Variants in MXRA7 observed in about 807,000 individuals in gnomAD.
MXRA7 encodes the protein matrix remodeling associated 7.
A neutral mutation model predicts 17.4 loss-of-function variants in MXRA7; 18 were observed. The ratio of observed to expected loss-of-function variants is 1.03; its 90% CI spans 0.71 to 1.53. The LOEUF (loss-of-function observed/expected upper bound fraction) is 1.53. Among genes scored for constraint, MXRA7 ranks in the 40% most tolerant of loss-of-function variants. MXRA7 has a pLI of 0.00. For synonymous variants in MXRA7, 70 were observed against 101.7 expected (o/e 0.69, Z 1.87); for missense variants, 141 against 209.3 (o/e 0.67, Z 2.01).
At chr17:76,701,166 CAG>C (rs1362031082) in intron 1 of MXRA7, among the ~76,000 whole-genome samples, 3 of 152,002 alleles carry the variant, frequency 2.0e-5, no homozygotes, top group Non-Finnish European at 4.4e-5. Context: ...GGACGGGAAA[CAG>C]GGAGACCAGT....
intron 1 of MXRA7, among the ~76,000 whole-genome samples, chr17:76,701,865 A>G (rs1474498046): frequency 6.6e-6 from 1 of 152,258 alleles, no homozygotes; most frequent in African/African-American, 2.4e-5. Context: ...ACTCTTGCTC[A>G]GATGACTGGA....
In MXRA7 at chr17:76,684,040, C is replaced by G. The variant is rs551804004; in HGVS notation, c.500+1032G>C. ...TCCTGGCTGTGCTTACACTGCCCGCCCCCCACCCACCCAGGGTGAAGAGCT... is the reference window on the plus strand; with the variant it reads ...TCCTGGCTGTGCTTACACTGCCCGCGCCCCACCCACCCAGGGTGAAGAGCT... On this transcript the variant is annotated intron_variant, in intron 3 of 3. Transcript: ENST00000449428. 9 of 830,446 alleles carry G rather than the reference C, an allele frequency of 1.1e-5. No homozygotes were observed. In the African/African-American group the frequency reaches 1.5e-4, roughly 14 times the overall value. 51.4% of individuals were successfully genotyped at this position (830,446 alleles called of 1,614,324 possible). A position where few individuals can be genotyped will look rare whatever the true frequency, so the allele number is the denominator to read the frequency against.
At position 76,710,667 on chromosome 17, in the gene MXRA7, C is replaced by T. The variant is rs1223292905; in HGVS notation, c.280G>A (p.Gly94Arg). Residue 94 changes from glycine to arginine, a missense_variant, in exon 1 of 4, where the codon GGG becomes AGG. Transcript: ENST00000449428. ...GGCGCCGCCGCGGGATCCCCTGGCCCTTCGGGCTCCCCCGGTCCCGCAGGC... is the reference window on the plus strand; with the variant it reads ...GGCGCCGCCGCGGGATCCCCTGGCCTTTCGGGCTCCCCCGGTCCCGCAGGC... ...GEPAGPGEPE[G>R]PGDPAAAPAE... 15 of 1,330,904 alleles carry T rather than the reference C, an allele frequency of 1.1e-5. No individual in the cohort carries two copies. Among genetic ancestry groups the T allele is most frequent in the South Asian group, 1.8e-5 (1 of 56,490 alleles). The allele number at this position is 1,330,904 out of a possible 1,614,324, so 82.4% of individuals were successfully genotyped here.
At chr17:76,697,507 C>T (rs2076544356) in intron 1 of MXRA7, among the ~76,000 whole-genome samples, 1 of 152,216 alleles carries the variant, frequency 6.6e-6, no homozygotes, top group Admixed American at 6.5e-5. Context: ...CTGGCGTCAC[C>T]CTGGCTGGTC....
At chr17:76,689,001 T>G (rs150726244) in intron 1 of MXRA7, 195 of 179,786 alleles carry the variant, frequency 1.1e-3, no homozygotes, top group African/African-American at 4.4e-3. Flanking sequence ...GCAAAGTTTT[T>G]ACAAGCCCCA....
chr17:76,677,360 C>A, downstream of MXRA7: 1 of 459,268 alleles, frequency 2.2e-6, no homozygotes, highest in Non-Finnish European at 3.9e-6. Flanking sequence ...ACCTCACCAG[C>A]AAGCAGAAAC....
chr17:76,689,902 T>A (rs542889919), intron 1 of MXRA7: 1 of 151,316 alleles, frequency 6.6e-6, no homozygotes, highest in East Asian at 1.9e-4. Flanking sequence ...TCCCAGCTAC[T>A]CAGGAGGTTG....
intron 1 of MXRA7, among the ~76,000 whole-genome samples, chr17:76,706,455 C>T (rs1598363165): frequency 6.6e-6 from 1 of 152,132 alleles, no homozygotes; most frequent in African/African-American, 2.4e-5. Flanking sequence ...CAAAAAGGAC[C>T]ACACTGCCAT....
chr17:76,688,092 G>A (rs555492048), intron 2 of MXRA7, 21 bp downstream of exon 2: 2 of 1,611,854 alleles, frequency 1.2e-6, no homozygotes, highest in East Asian at 2.2e-5. Context: ...GCCCCCTCAT[G>A]AGCGCAGAGG....
At chr17:76,706,447 A>G (rs78083762) in intron 1 of MXRA7, among the ~76,000 whole-genome samples, 2 of 132,908 alleles carry the variant, frequency 1.5e-5, no homozygotes, top group Non-Finnish European at 1.6e-5. Flanking sequence ...ACTGCCATCA[A>G]AAAGGACCAC....
chr17:76,708,717 G>A (rs1020013250), intron 1 of MXRA7, among the ~76,000 whole-genome samples: 2 of 152,180 alleles, frequency 1.3e-5, no homozygotes, highest in African/African-American at 4.8e-5. Flanking sequence ...ACAGCACCTG[G>A]CTTAATGTTT....
chr17:76,684,047 C>T, intron 3 of MXRA7: 3 of 815,918 alleles, frequency 3.7e-6, no homozygotes, highest in Non-Finnish European at 2.2e-6. Flanking sequence ...CGCCCCCCAC[C>T]CACCCAGGGT....
intron 1 of MXRA7, 95 bp from the exon 2 acceptor site, chr17:76,688,271 G>C: frequency 6.4e-7 from 1 of 1,562,530 alleles, no homozygotes; most frequent in Non-Finnish European, 8.6e-7. Context: ...GGAGGCCCTC[G>C]AAGGTCCAGC....
chr17:76,706,948 G>A (rs906558213), intron 1 of MXRA7, among the ~76,000 whole-genome samples: 50 of 152,118 alleles, frequency 3.3e-4, no homozygotes, highest in African/African-American at 1.1e-3. Flanking sequence ...CTGTGTGTGT[G>A]TGTGCATGTA....
At chr17:76,673,323 G>A (rs1405751054) in exon 4 of MXRA7, 1 of 152,264 alleles carries the variant, frequency 6.6e-6, no homozygotes, top group African/African-American at 2.4e-5. Context: ...CTCTCCTGCA[G>A]TGAGAAGTAG....
At chr17:76,698,617 C>T (rs2076559411) in intron 1 of MXRA7, among the ~76,000 whole-genome samples, 1 of 152,104 alleles carries the variant, frequency 6.6e-6, no homozygotes. Context: ...AACTGTCCCC[C>T]TCTCACTTGT....
In MXRA7 at chr17:76,694,593, ATTG is replaced by A. The variant is rs960866947; in HGVS notation, c.343-6420_343-6418del. On this transcript the variant is annotated intron_variant, in intron 1 of 3. Coordinates refer to ENST00000449428, the MANE Select transcript of MXRA7 (RefSeq NM_198530.4). ...AATTGAATGAATTCCAATTATTATT[ATTG>A]TTATTATTGAGACAGGGTCTTACTG... Among the ~76,000 whole-genome samples, 969 of 152,162 alleles carry A rather than the reference ATTG, an allele frequency of 6.4e-3. 11 individuals carry two copies. Among genetic ancestry groups the A allele is most frequent in the African/African-American group, 0.021 (891 of 41,516 alleles).
rs1448133553 is a variant in MXRA7, at chr17:76,710,675, TC to T, written c.271del (p.Glu91SerfsTer58). On this transcript the variant is annotated frameshift_variant, in exon 1 of 4. Coordinates refer to ENST00000449428, the MANE Select transcript of MXRA7 (RefSeq NM_198530.4). LOFTEE classifies it high-confidence loss of function. ...GELGEPAGPG[E>X]PEGPGDPAAA... ...CGCGGGATCCCCTGGCCCTTCGGGC[TC>T]CCCCGGTCCCGCAGGCTCCCCGAGC... The T allele has an allele frequency of 1.4e-5, 18 of 1,287,902 alleles. No homozygotes were observed. The highest frequency in any genetic ancestry group is 1.0e-4 in the South Asian group (5 of 48,976). The allele number at this position is 1,287,902 out of a possible 1,614,324, so 79.8% of individuals were successfully genotyped here.
chr17:76,708,384 C>T (rs1002240035), intron 1 of MXRA7, among the ~76,000 whole-genome samples: 2 of 152,180 alleles, frequency 1.3e-5, no homozygotes, highest in East Asian at 3.8e-4. Flanking sequence ...AGTTGCCCTC[C>T]TCCCTCGCTG....
Sources: allele counts gnomAD v4.1 joint callset (sites outside exome capture counted in the v4.1 genomes callset), GRCh38; gene constraint gnomAD v4.1.1; transcripts MANE v1.5; gene names NCBI Gene and HGNC (gene_info 2026-07-23, HGNC 2026-07-21).